The following SLC25A48 variants were observed in gnomAD, a reference collection of about 807,000 sequenced individuals.
SLC25A48 encodes CTC-321K16.1.
In SLC25A48, 29 loss-of-function variants were observed where a neutral mutation model predicts 32.2. That is an observed-to-expected ratio of 0.90 (90% CI 0.67 to 1.23). The LOEUF (loss-of-function observed/expected upper bound fraction) is 1.23. Ranked by LOEUF, SLC25A48 falls within the 50% of genes most tolerant of loss-of-function variation. The pLI is 0.00. For synonymous variants in SLC25A48, 164 were observed against 172.3 expected, an observed-to-expected ratio of 0.95 and a Z score of 0.38; for missense variants, 399 against 422.7, an observed-to-expected ratio of 0.94 and a Z score of 0.49.
chr5:135,752,588 C>T (rs184374828), intron 3 of SLC25A48, among the ~76,000 whole-genome samples: 11 of 152,058 alleles, frequency 7.2e-5, no homozygotes, highest in Non-Finnish European at 2.9e-5. Flanking sequence ...CCTACAGTAT[C>T]ACAAATAATA....
rs1760244345 is a variant in SLC25A48 at position 135,855,564 on chromosome 5, G to A, written c.421+2743G>A. Among the ~76,000 whole-genome samples the A allele has an allele frequency of 2.0e-5, 3 of 152,216 alleles. No individual in the cohort carries two copies. The South Asian group carries it at 6.2e-4, about 32-fold the overall frequency. On this transcript the variant is annotated intron_variant, in intron 4 of 7. Coordinates refer to ENST00000681962, the MANE Select transcript of SLC25A48 (RefSeq NM_001349336.2). ...TGGTGAGTGAGAGCCACCAGTGAGAGTGAGGCATGGGAGGTTTCTGCAGGC... is the reference window on the plus strand; with the variant it reads ...TGGTGAGTGAGAGCCACCAGTGAGAATGAGGCATGGGAGGTTTCTGCAGGC...
chr5:135,843,303 C>T (rs942407595), intron 2 of SLC25A48, among the ~76,000 whole-genome samples: 3 of 152,070 alleles, frequency 2.0e-5, no homozygotes, highest in Non-Finnish European at 4.4e-5. Flanking sequence ...GTATAATCTT[C>T]CCATTTTATA....
intron 4 of SLC25A48, among the ~76,000 whole-genome samples, chr5:135,860,935 G>A (rs756023824): frequency 6.6e-6 from 1 of 152,180 alleles, no homozygotes; most frequent in Non-Finnish European, 1.5e-5. Flanking sequence ...ATTGAGGTGA[G>A]AGCCCAGCTC....
intron 1 of SLC25A48, among the ~76,000 whole-genome samples, chr5:135,626,082 G>A (rs2126902783): frequency 6.6e-6 from 1 of 152,352 alleles, no homozygotes; most frequent in East Asian, 1.9e-4. Flanking sequence ...GGACAATGGG[G>A]TAGGACAGGG....
chr5:135,666,749 A>T (rs1242624301), intron 3 of SLC25A48, among the ~76,000 whole-genome samples: 1 of 152,086 alleles, frequency 6.6e-6, no homozygotes, highest in African/African-American at 2.4e-5. Flanking sequence ...AGTTGTAAGG[A>T]ATCTGGGGAT....
intron 3 of SLC25A48, among the ~76,000 whole-genome samples, chr5:135,723,380 T>TCTCTCACACACACACA (rs1356362581): frequency 9.0e-6 from 1 of 111,714 alleles, no homozygotes; most frequent in Admixed American, 9.3e-5. Context: ...TCTCTCTCTC[T>TCTCTCACACACACACA]CACACACACA....
At chr5:135,677,358 T>G (rs1753795834) in intron 3 of SLC25A48, among the ~76,000 whole-genome samples, 1 of 134,016 alleles carries the variant, frequency 7.5e-6, no homozygotes, top group Non-Finnish European at 1.6e-5. Flanking sequence ...GTAGGTAGCA[T>G]ACACTTGGAT....
chr5:135,778,521 C>G lies in SLC25A48; in HGVS notation c.-520-34002C>G, dbSNP rs367692477. On this transcript the variant is annotated intron_variant, in intron 3 of 10. Transcript: ENST00000646290. The stretch of plus-strand genomic sequence containing the variant: ...AAGAGGATGATATTACTCCCAATGT[C>G]GCAGAGGGTGTACACCATCCTGTAA... Among the ~76,000 whole-genome samples, 1,066 of 151,154 alleles carry G rather than the reference C, an allele frequency of 7.1e-3. 10 individuals carry two copies. The highest frequency in any genetic ancestry group is 0.024 in the African/African-American group (999 of 41,184).
chr5:135,733,184 G>T (rs922502002), intron 3 of SLC25A48, among the ~76,000 whole-genome samples: 1 of 152,214 alleles, frequency 6.6e-6, no homozygotes, highest in African/African-American at 2.4e-5. Flanking sequence ...GGGGGGCAGA[G>T]CAGTAGCCTC....
chr5:135,849,246 T>C (rs1759645583), intron 2 of SLC25A48, among the ~76,000 whole-genome samples: 1 of 152,198 alleles, frequency 6.6e-6, no homozygotes, highest in Non-Finnish European at 1.5e-5. Context: ...GCTAGCCTGC[T>C]TTTCTGGGTC....
chr5:135,840,497 T>C (rs527348741), intron 1 of SLC25A48, among the ~76,000 whole-genome samples: 1 of 152,250 alleles, frequency 6.6e-6, no homozygotes, highest in Admixed American at 6.5e-5. Flanking sequence ...TGTGCAACCA[T>C]CACTTCTATC....
chr5:135,743,041 TTCCCC>T (rs1428665379), intron 3 of SLC25A48, among the ~76,000 whole-genome samples: 1 of 16,028 alleles, frequency 6.2e-5, no homozygotes, highest in Admixed American at 8.0e-4. Context: ...TTCCCTTTCC[TTCCCC>T]TCCCCTCCCC....
intron 2 of SLC25A48, among the ~76,000 whole-genome samples, chr5:135,846,485 C>A (rs902072641): frequency 1.3e-5 from 2 of 152,200 alleles, no homozygotes; most frequent in Non-Finnish European, 2.9e-5. Context: ...CTTGCTCTGC[C>A]AGGTCAGGGG....
At chr5:135,675,350 C>G (rs1248537470) in intron 3 of SLC25A48, among the ~76,000 whole-genome samples, 1 of 151,874 alleles carries the variant, frequency 6.6e-6, no homozygotes. Flanking sequence ...TTACTATAGT[C>G]CCATTTATCT....
Position 135,687,765 on chromosome 5 carries a change from A to G in SLC25A48, c.-521+52809A>G, listed in dbSNP as rs537595754. 2.6e-5 allele frequency among the ~76,000 whole-genome samples: 4 copies of G among 152,062 alleles called. No homozygotes were observed. The South Asian group carries it at 8.3e-4, about 32-fold the overall frequency. Reference sequence around the variant, plus strand: ...GCTGACTGTTCTGTTTTTACTAACAATTCTTCTCCTCTCCATGTTTATTGC... The same window carrying G: ...GCTGACTGTTCTGTTTTTACTAACAGTTCTTCTCCTCTCCATGTTTATTGC... On this transcript the variant is annotated intron_variant, in intron 3 of 10. Transcript: ENST00000646290.
At chr5:135,587,961 A>G (rs568199255) in intron 1 of SLC25A48, among the ~76,000 whole-genome samples, 1 of 152,318 alleles carries the variant, frequency 6.6e-6, no homozygotes, top group Admixed American at 6.5e-5. Context: ...CAGGAGGGAA[A>G]GTGTGGTATG....
At chr5:135,729,532 T>C (rs1245962432) in intron 3 of SLC25A48, among the ~76,000 whole-genome samples, 1 of 152,160 alleles carries the variant, frequency 6.6e-6, no homozygotes, top group East Asian at 1.9e-4. Context: ...ATCTGTAAGT[T>C]GTCAGCCTAA....
At chr5:135,710,405 A>G (rs982218584) in intron 3 of SLC25A48, among the ~76,000 whole-genome samples, 10 of 152,194 alleles carry the variant, frequency 6.6e-5, no homozygotes, top group Non-Finnish European at 1.5e-4. Flanking sequence ...GATGCCTCTG[A>G]AGCCATTGCC....
intron 3 of SLC25A48, among the ~76,000 whole-genome samples, chr5:135,743,974 C>A (rs1281961689): frequency 6.6e-6 from 1 of 152,216 alleles, no homozygotes; most frequent in Admixed American, 6.5e-5. Flanking sequence ...ACAAGCTTAT[C>A]TTCTCACATG....
Sources: gnomAD v4.1 joint callset for allele counts (sites outside exome capture counted in the v4.1 genomes callset) on GRCh38, gnomAD v4.1.1 for gene constraint, MANE v1.5 for transcripts, NCBI Gene and HGNC (gene_info 2026-07-23, HGNC 2026-07-21) for gene names.